The following MOGAT1 variants were observed in gnomAD, a reference collection of about 807,000 sequenced individuals.
MOGAT1 encodes monoacylglycerol O-acyltransferase 1.
MOGAT1 carries 32 observed loss-of-function variants against 31.4 expected under a neutral mutation model. That is an observed-to-expected ratio of 1.02 (90% CI 0.77 to 1.37). The LOEUF is 1.37. MOGAT1 is among the 40% of genes most tolerant of loss of function. The pLI is 0.00. For synonymous variants in MOGAT1, 145 were observed against 144.5 expected (o/e 1.00, Z -0.03); for missense variants, 426 against 402.0 (o/e 1.06, Z -0.51).
intron 5 of MOGAT1, among the ~76,000 whole-genome samples, chr2:222,708,418 A>C (rs1479860709): frequency 6.6e-6 from 1 of 152,184 alleles, no homozygotes; most frequent in African/African-American, 2.4e-5. Context: ...CATCAGTAGC[A>C]GCATCCGACC....
In MOGAT1 at chr2:222,671,743, G is replaced by C. The variant is rs1376384414; in HGVS notation, c.-43G>C. 6.7e-7 allele frequency: 1 copy of C among 1,482,702 alleles called. No individual in the cohort carries two copies. The highest frequency in any genetic ancestry group is 2.0e-5 in the Admixed American group (1 of 50,784). The allele number at this position is 1,482,702 out of a possible 1,614,324, so 91.8% of individuals were successfully genotyped here. ...CCACAGGCGCCGCAGAGCAGCGTGG[G>C]TGCAGGCTGCAGTGGCTGGCGCCGT... On this transcript the variant is annotated 5_prime_UTR_variant, in exon 1 of 6. Coordinates refer to ENST00000446656, the MANE Select transcript of MOGAT1 (RefSeq NM_058165.3).
At chr2:222,675,761 T>A (rs1205785306) in intron 1 of MOGAT1, among the ~76,000 whole-genome samples, 2 of 152,196 alleles carry the variant, frequency 1.3e-5, no homozygotes, top group Non-Finnish European at 2.9e-5. Context: ...TCTTATTCTA[T>A]CATTTATTCT....
At chr2:222,695,360 A>G in intron 5 of MOGAT1, 72 bp downstream of exon 5, 1 of 1,027,038 alleles carries the variant, frequency 9.7e-7, no homozygotes, top group Non-Finnish European at 1.4e-6. Flanking sequence ...TGAGGTGCTA[A>G]TGCAAGGGAA....
intron 3 of MOGAT1, among the ~76,000 whole-genome samples, chr2:222,693,478 G>A (rs1030971562): frequency 2.4e-5 from 3 of 122,558 alleles, no homozygotes; most frequent in African/African-American, 9.2e-5. Context: ...TAACCATTTT[G>A]TATTAGTTCA....
chr2:222,685,756 A>G (rs1055553237), intron 1 of MOGAT1, among the ~76,000 whole-genome samples: 1 of 151,278 alleles, frequency 6.6e-6, no homozygotes, highest in Admixed American at 6.6e-5. Flanking sequence ...ACCCACCACC[A>G]CACCCCACCA....
intron 1 of MOGAT1, among the ~76,000 whole-genome samples, chr2:222,685,598 C>CT (rs574124301): frequency 0.16 from 19,172 of 119,954 alleles, 1,955 homozygotes; most frequent in African/African-American, 0.23. Flanking sequence ...TCTTCTTCTT[C>CT]TTTTTTTTTT....
intron 3 of MOGAT1, among the ~76,000 whole-genome samples, chr2:222,693,009 G>A (rs1033409430): frequency 6.6e-6 from 1 of 152,168 alleles, no homozygotes; most frequent in African/African-American, 2.4e-5. Context: ...TCTTAAGAGG[G>A]CAGTTGGTCA....
chr2:222,705,112 C>A (rs1297838638), intron 5 of MOGAT1, among the ~76,000 whole-genome samples: 2 of 152,066 alleles, frequency 1.3e-5, no homozygotes, highest in Non-Finnish European at 2.9e-5. Flanking sequence ...CTTTTTAGAC[C>A]ATAGAGGGTA....
chr2:222,676,609 T>A (rs1168454349), intron 1 of MOGAT1, among the ~76,000 whole-genome samples: 1 of 152,222 alleles, frequency 6.6e-6, no homozygotes, highest in African/African-American at 2.4e-5. Context: ...AAACCAAGAA[T>A]GTAATGCCTT....
At chr2:222,694,300 G>C (rs957294203) in intron 3 of MOGAT1, 62 bp from the exon 4 acceptor site, 1 of 1,393,524 alleles carries the variant, frequency 7.2e-7, no homozygotes, top group East Asian at 2.4e-5. Context: ...GGAATATTAT[G>C]ATAAAACATT....
chr2:222,686,851 A>T (rs60051260), intron 1 of MOGAT1, among the ~76,000 whole-genome samples: 3 of 151,962 alleles, frequency 2.0e-5, no homozygotes, highest in African/African-American at 7.3e-5. Flanking sequence ...TGTGGCTGAC[A>T]CCTGTAATCC....
At position 222,689,449 on chromosome 2, in the gene MOGAT1, G is replaced by C. The variant is rs775805988; in HGVS notation, c.458G>C (p.Arg153Pro). The change falls in exon 3 of 6, where the codon CGA (arginine) becomes CCA (proline). Residue 153 changes from arginine to proline, a missense_variant. Coordinates refer to ENST00000446656, the MANE Select transcript of MOGAT1 (RefSeq NM_058165.3). ...CTTTGGTTCTGGTGTCCTGTCTTTC[G>C]AGAATATGTGATGAGTGTTGGTAAG... ...LPLWFWCPVFREYVMSVGLVS... is the reference protein window; with the variant it reads ...LPLWFWCPVFPEYVMSVGLVS... The C allele has an allele frequency of 2.5e-6, 4 of 1,613,944 alleles. No individual in the cohort carries two copies. Among genetic ancestry groups the C allele is most frequent in the South Asian group, 2.2e-5 (2 of 91,074 alleles).
intron 5 of MOGAT1, among the ~76,000 whole-genome samples, chr2:222,704,536 G>A (rs949866287): frequency 3.3e-5 from 5 of 151,840 alleles, no homozygotes; most frequent in African/African-American, 9.7e-5. Flanking sequence ...AGGCAGGAGA[G>A]TGGCGTGAAC....
chr2:222,695,331 A>G, intron 5 of MOGAT1, 43 bp downstream of exon 5: 4 of 1,369,294 alleles, frequency 2.9e-6, no homozygotes, highest in Non-Finnish European at 4.0e-6. Context: ...TACTTTAAGC[A>G]ATGTTTCTTG....
intron 5 of MOGAT1, among the ~76,000 whole-genome samples, chr2:222,699,950 A>T (rs1437135305): frequency 6.6e-6 from 1 of 152,244 alleles, no homozygotes; most frequent in Non-Finnish European, 1.5e-5. Flanking sequence ...ATGGAATGTT[A>T]ACAGACTTGA....
chr2:222,680,193 G>A (rs761374566), intron 1 of MOGAT1, among the ~76,000 whole-genome samples: 9 of 152,092 alleles, frequency 5.9e-5, no homozygotes, highest in South Asian at 4.1e-4. Flanking sequence ...TTAACATTAC[G>A]CAAGGGATTC....
intron 1 of MOGAT1, among the ~76,000 whole-genome samples, chr2:222,676,774 T>G (rs954877323): frequency 5.9e-5 from 9 of 152,194 alleles, no homozygotes; most frequent in Non-Finnish European, 1.5e-5. Flanking sequence ...ATTTTTGCAA[T>G]TTTTTTCTTG....
In MOGAT1 at chr2:222,672,889, T is replaced by TTTTTTATTATTATTA. The variant is rs139797469; in HGVS notation, c.94+1012_94+1013insTTTATTATTATTATT. 2.8e-3 allele frequency among the ~76,000 whole-genome samples: 389 copies of TTTTTTATTATTATTA among 139,208 alleles called. 3 individuals are homozygous for TTTTTTATTATTATTA. The highest frequency in any genetic ancestry group is 1.0e-2 in the African/African-American group (370 of 37,154). The allele number at this position is 139,208 out of a possible 152,430, so 91.3% of individuals were successfully genotyped here. ...TGCCCAGGCTCCATCCTGGAATTTGTTTATTATTATTATTATTATTATTAT... is the reference window on the plus strand; with the variant it reads ...TGCCCAGGCTCCATCCTGGAATTTGTTTTTTATTATTATTATTATTATTATTATTATTATTATTAT... On this transcript the variant is annotated intron_variant, in intron 1 of 5. Transcript: ENST00000446656.
chr2:222,671,960 G>A (rs541944848), intron 1 of MOGAT1, 81 bp downstream of exon 1: 862 of 1,164,764 alleles, frequency 7.4e-4, no homozygotes, highest in Admixed American at 3.3e-3. Flanking sequence ...GACCTGCATA[G>A]AACCTTCCAA....
Sources: gnomAD v4.1 joint callset for allele counts (sites outside exome capture counted in the v4.1 genomes callset) on GRCh38, gnomAD v4.1.1 for gene constraint, MANE v1.5 for transcripts, NCBI Gene and HGNC (gene_info 2026-07-23, HGNC 2026-07-21) for gene names.